The following ARHGAP19 variants were observed in gnomAD, a reference collection of about 807,000 sequenced individuals.
ARHGAP19 encodes the protein rho GTPase-activating protein 19.
Under a neutral mutation model 60.9 loss-of-function variants are expected in ARHGAP19, and 48 were observed. That is an observed-to-expected ratio of 0.79 (90% CI 0.62 to 1.00). The LOEUF (loss-of-function observed/expected upper bound fraction) is 1.00, where lower values mean the gene tolerates loss of function less well. Ranked by LOEUF, ARHGAP19 falls within the 50% of genes least tolerant of loss-of-function variation. The pLI, the probability that ARHGAP19 is intolerant of heterozygous loss-of-function variation, is 0.00. For missense variants in ARHGAP19, 562 were observed against 597.2 expected (o/e 0.94, Z 0.61); for synonymous variants, 209 against 215.5 (o/e 0.97, Z 0.27).
intron 1 of ARHGAP19, among the ~76,000 whole-genome samples, chr10:97,273,661 G>GT (rs1842988879): frequency 6.6e-6 from 1 of 151,180 alleles, no homozygotes; most frequent in Admixed American, 6.6e-5. Flanking sequence ...GCTAATTTTT[G>GT]TATTTTTAGT....
chr10:97,284,853 T>C (rs967008957), intron 1 of ARHGAP19, among the ~76,000 whole-genome samples: 6 of 145,580 alleles, frequency 4.1e-5, no homozygotes, highest in African/African-American at 7.7e-5. Flanking sequence ...AAAAAGCATA[T>C]ACTTTTTTTT....
Position 97,292,592 on chromosome 10 carries a change from T to C in ARHGAP19, c.36A>G (p.Pro12=), listed in dbSNP as rs755369859. The C allele has an allele frequency of 1.9e-6, 3 of 1,614,106 alleles. No homozygotes were observed. The highest frequency in any genetic ancestry group is 2.7e-5 in the African/African-American group (2 of 74,954). ...ATEAQSEGEV[P]ARESGRSDAI... ...CTCACCTCCGGCCGGATTCGCGGGC[T>C]GGCACCTCCCCTTCACTCTGTGCCT... Residue 12 remains proline (P), a synonymous_variant, in exon 1 of 12, where the codon CCA becomes CCG. Transcript: ENST00000358531.
At chr10:97,251,897 T>C (rs2134862582) in intron 6 of ARHGAP19, among the ~76,000 whole-genome samples, 1 of 150,744 alleles carries the variant, frequency 6.6e-6, no homozygotes, top group African/African-American at 2.4e-5. Flanking sequence ...CATGAAAGTC[T>C]GAGTTCTTAA....
At chr10:97,249,732 G>A (rs1467659184) in intron 6 of ARHGAP19, among the ~76,000 whole-genome samples, 3 of 151,522 alleles carry the variant, frequency 2.0e-5, no homozygotes, top group Non-Finnish European at 4.4e-5. Flanking sequence ...ATTTGAATAT[G>A]TACTGAAAGC....
intron 1 of ARHGAP19, among the ~76,000 whole-genome samples, chr10:97,267,696 T>C (rs1842915794): frequency 6.6e-6 from 1 of 152,220 alleles, no homozygotes; most frequent in African/African-American, 2.4e-5. Context: ...CAAAACCACA[T>C]GTAAGCTGCC....
chr10:97,246,829 C>T (rs1330581823), intron 6 of ARHGAP19, among the ~76,000 whole-genome samples: 2 of 151,932 alleles, frequency 1.3e-5, no homozygotes, highest in African/African-American at 4.8e-5. Flanking sequence ...AGGGAGACCC[C>T]CAACTCTACA....
chr10:97,235,483 A>T (rs984895347), intron 8 of ARHGAP19, among the ~76,000 whole-genome samples, 168 bp from the exon 9 acceptor site: 4 of 152,210 alleles, frequency 2.6e-5, no homozygotes, highest in African/African-American at 9.6e-5. Context: ...GATGATGCCA[A>T]AAGAAGTGGA....
chr10:97,261,414 C>T (rs988584233), intron 4 of ARHGAP19, among the ~76,000 whole-genome samples: 1 of 152,164 alleles, frequency 6.6e-6, no homozygotes, highest in African/African-American at 2.4e-5. Flanking sequence ...CAGTCAATCA[C>T]AGGGTAGTGG....
chr10:97,277,785 A>C (rs1229122720), intron 1 of ARHGAP19: 2 of 152,248 alleles, frequency 1.3e-5, no homozygotes, highest in Non-Finnish European at 2.9e-5. Context: ...GTTGCCAATC[A>C]ATTCCACAGT....
At chr10:97,252,114 T>G (rs936986162) in intron 6 of ARHGAP19, among the ~76,000 whole-genome samples, 2 of 151,918 alleles carry the variant, frequency 1.3e-5, no homozygotes, top group Non-Finnish European at 2.9e-5. Context: ...AGGACAGAAC[T>G]AGTAATAGTT....
chr10:97,264,106 G>A (rs768109027), intron 3 of ARHGAP19, among the ~76,000 whole-genome samples: 2 of 152,168 alleles, frequency 1.3e-5, no homozygotes, highest in Non-Finnish European at 2.9e-5. Context: ...GAACTCTAAT[G>A]TGTCAAATTC....
chr10:97,251,090 G>GGGAAGGGGAAAAGGAA lies in ARHGAP19; in HGVS notation c.928-4769_928-4754dup, dbSNP rs1300237750. ...AAGAAAATAAGGAAGGAAGGGAAAG[G>GGGAAGGGGAAAAGGAA]GGAAGGGGAAAAGGAAGGGGAAGGG... On this transcript the variant is annotated intron_variant, in intron 6 of 11. Coordinates refer to ENST00000358531, the MANE Select transcript of ARHGAP19 (RefSeq NM_032900.6). 1.5e-3 allele frequency among the ~76,000 whole-genome samples: 214 copies of GGGAAGGGGAAAAGGAA among 144,746 alleles called. 2 individuals are homozygous for GGGAAGGGGAAAAGGAA. The highest frequency in any genetic ancestry group is 5.1e-3 in the African/African-American group (196 of 38,568). The allele number at this position is 144,746 out of a possible 152,430, so 95.0% of individuals were successfully genotyped here.
chr10:97,235,116 G>A, intron 9 of ARHGAP19, 101 bp downstream of exon 9: 1 of 1,121,686 alleles, frequency 8.9e-7, no homozygotes, highest in South Asian at 1.4e-5. Flanking sequence ...GCCCTTTATA[G>A]GGTCCCCAAA....
chr10:97,256,867 A>G (rs1246728673), intron 5 of ARHGAP19, among the ~76,000 whole-genome samples: 1 of 151,926 alleles, frequency 6.6e-6, no homozygotes, highest in Non-Finnish European at 1.5e-5. Context: ...CATGCCTGTA[A>G]TCCCAGCACT....
rs1463187629 is a variant in ARHGAP19 at position 97,242,022 on chromosome 10, A to AT, written c.1185+1945_1185+1946insA. Among the ~76,000 whole-genome samples the AT allele has an allele frequency of 2.7e-4, 38 of 140,724 alleles. No homozygotes were observed. The East Asian group carries it at 2.9e-3, about 11-fold the overall frequency. 92.3% of individuals were successfully genotyped at this position (140,724 alleles called of 152,430 possible). A position where few individuals can be genotyped will look rare whatever the true frequency, so the allele number is the denominator to read the frequency against. On this transcript the variant is annotated intron_variant, in intron 8 of 11. Coordinates refer to ENST00000358531, the MANE Select transcript of ARHGAP19 (RefSeq NM_032900.6). ...GAGACTCTGCCTCAAAAAAAAAAAA[A>AT]AATAATAATAATAATAATTAATAAA...
At chr10:97,260,244 A>C (rs1228954147) in intron 4 of ARHGAP19, among the ~76,000 whole-genome samples, 1 of 149,466 alleles carries the variant, frequency 6.7e-6, no homozygotes, top group Non-Finnish European at 1.5e-5. Flanking sequence ...AGAAACTATA[A>C]ATCAGGCCGG....
chr10:97,238,094 G>A (rs1842410795), intron 8 of ARHGAP19, among the ~76,000 whole-genome samples: 1 of 152,148 alleles, frequency 6.6e-6, no homozygotes, highest in South Asian at 2.1e-4. Flanking sequence ...CTCCATGAGT[G>A]ATATTGCCTC....
At chr10:97,273,650 A>C (rs978213814) in intron 1 of ARHGAP19, among the ~76,000 whole-genome samples, 1 of 151,518 alleles carries the variant, frequency 6.6e-6, no homozygotes, top group Non-Finnish European at 1.5e-5. Context: ...CATTGTGCCC[A>C]GCTAATTTTT....
intron 1 of ARHGAP19, among the ~76,000 whole-genome samples, chr10:97,269,654 A>T (rs1482379235): frequency 3.3e-5 from 5 of 152,170 alleles, no homozygotes; most frequent in Non-Finnish European, 5.9e-5. Context: ...CCCTATCAGG[A>T]GGGCCAGAAA....
Sources: allele counts gnomAD v4.1 joint callset (sites outside exome capture counted in the v4.1 genomes callset), GRCh38; gene constraint gnomAD v4.1.1; transcripts MANE v1.5; gene names NCBI Gene and HGNC (gene_info 2026-07-23, HGNC 2026-07-21).